The following KCNIP1 variants were observed in gnomAD, a reference collection of about 807,000 sequenced individuals.
KCNIP1 encodes potassium voltage-gated channel interacting protein 1.
In KCNIP1, 18 loss-of-function variants were observed where a neutral mutation model predicts 33.0. The ratio of observed to expected loss-of-function variants is 0.55; its 90% CI spans 0.38 to 0.81. The LOEUF is 0.81. Ranked by LOEUF, KCNIP1 falls within the 30% of genes least tolerant of loss-of-function variation. The pLI, the probability that KCNIP1 is intolerant of heterozygous loss-of-function variation, is 0.00. For synonymous variants in KCNIP1, 93 were observed against 98.3 expected (o/e 0.95, Z 0.32); for missense variants, 238 against 271.6 (o/e 0.88, Z 0.87).
intron 1 of KCNIP1, among the ~76,000 whole-genome samples, chr5:170,599,873 C>T (rs559744946): frequency 6.6e-6 from 1 of 152,362 alleles, no homozygotes; most frequent in East Asian, 1.9e-4. Context: ...ATATTCTACA[C>T]AGCACTTCCG....
At chr5:170,360,872 C>T (rs945705241) in intron 1 of KCNIP1, among the ~76,000 whole-genome samples, 5 of 152,204 alleles carry the variant, frequency 3.3e-5, no homozygotes, top group African/African-American at 9.6e-5. Context: ...CTTTCCCTGC[C>T]GAGCAACATC....
intron 1 of KCNIP1, among the ~76,000 whole-genome samples, chr5:170,661,513 G>C (rs1318807811): frequency 6.6e-6 from 1 of 152,078 alleles, no homozygotes. Context: ...GGGTGAACAG[G>C]AACAGAGAAG....
At chr5:170,576,381 A>G (rs1009061156) in intron 1 of KCNIP1, among the ~76,000 whole-genome samples, 1 of 152,236 alleles carries the variant, frequency 6.6e-6, no homozygotes, top group Non-Finnish European at 1.5e-5. Context: ...GAGGTCACAT[A>G]GTGTAACCTC....
At chr5:170,482,878 AG>A (rs1399592675) in intron 1 of KCNIP1, among the ~76,000 whole-genome samples, 5 of 152,218 alleles carry the variant, frequency 3.3e-5, no homozygotes, top group African/African-American at 1.2e-4. Context: ...GACAATTATC[AG>A]GAGAAGCATT....
chr5:170,614,979 G>C (rs1759310184), intron 1 of KCNIP1, among the ~76,000 whole-genome samples: 1 of 152,212 alleles, frequency 6.6e-6, no homozygotes, highest in Non-Finnish European at 1.5e-5. Context: ...ACTTTGGGAG[G>C]CCAAGGCGGG....
At chr5:170,651,735 A>G (rs200744784) in intron 1 of KCNIP1, among the ~76,000 whole-genome samples, 1 of 151,966 alleles carries the variant, frequency 6.6e-6, no homozygotes, top group Non-Finnish European at 1.5e-5. Flanking sequence ...AGGCGGGTGG[A>G]TTAATTATTC....
chr5:170,668,308 C>A (rs889258978), intron 1 of KCNIP1, among the ~76,000 whole-genome samples: 2 of 152,204 alleles, frequency 1.3e-5, no homozygotes, highest in Non-Finnish European at 2.9e-5. Context: ...GAATCATTTT[C>A]TTCAGCATCC....
chr5:170,501,515 A>C (rs567850447), upstream of KCNIP1, among the ~76,000 whole-genome samples: 8 of 152,354 alleles, frequency 5.3e-5, no homozygotes, highest in African/African-American at 1.9e-4. Flanking sequence ...AGAGGCAGCC[A>C]ATTGCAAACA....
intron 1 of KCNIP1, chr5:170,420,533 CA>C (rs201638118): frequency 0.053 from 6,283 of 118,694 alleles, 161 homozygotes; most frequent in East Asian, 0.087. Flanking sequence ...AACTCCAACT[CA>C]AAAAAAAAAA....
rs145355239 is a variant in KCNIP1 at position 170,736,102 on chromosome 5, A to C, written c.*296A>C. The C allele has an allele frequency of 2.0e-4, 81 of 397,140 alleles. No homozygotes were observed. The East Asian group carries it at 3.3e-3, about 16-fold the overall frequency. The allele number at this position is 397,140 out of a possible 1,614,324, so 24.6% of individuals were successfully genotyped here. On this transcript the variant is annotated 3_prime_UTR_variant, in exon 8 of 8. Coordinates refer to ENST00000328939, the MANE Select transcript of KCNIP1 (RefSeq NM_014592.4). ...TGCCCTATGGAAGGTCCCTCTGCTT[A>C]AGCTTAAACAGTAGTGCACAAAATA...
chr5:170,625,636 C>T (rs1314544597), intron 1 of KCNIP1, among the ~76,000 whole-genome samples: 1 of 152,170 alleles, frequency 6.6e-6, no homozygotes, highest in East Asian at 1.9e-4. Context: ...CCCACTTTCC[C>T]TCGGCTAGTC....
chr5:170,617,893 G>A (rs1759450485), intron 1 of KCNIP1, among the ~76,000 whole-genome samples: 1 of 152,186 alleles, frequency 6.6e-6, no homozygotes, highest in African/African-American at 2.4e-5. Flanking sequence ...CTTTTCCTTC[G>A]AGGTAGGTGA....
chr5:170,535,291 G>A (rs954486661), intron 1 of KCNIP1, among the ~76,000 whole-genome samples: 2 of 152,204 alleles, frequency 1.3e-5, no homozygotes, highest in Non-Finnish European at 2.9e-5. Flanking sequence ...CTTAATGACA[G>A]TGGAACCAAG....
intron 1 of KCNIP1, among the ~76,000 whole-genome samples, chr5:170,692,646 C>G (rs1178327911): frequency 6.6e-6 from 1 of 152,188 alleles, no homozygotes; most frequent in East Asian, 1.9e-4. Flanking sequence ...CTAATATCAC[C>G]TCCCAGGATT....
intron 6 of KCNIP1, among the ~76,000 whole-genome samples, chr5:170,733,316 C>A (rs887210406): frequency 1.3e-5 from 2 of 152,168 alleles, no homozygotes; most frequent in Admixed American, 1.3e-4. Flanking sequence ...ACAGGATGGG[C>A]AGCTAGTGCT....
At chr5:170,598,131 A>C (rs1484488834) in intron 1 of KCNIP1, among the ~76,000 whole-genome samples, 1 of 152,080 alleles carries the variant, frequency 6.6e-6, no homozygotes, top group Non-Finnish European at 1.5e-5. Context: ...TCCTAATCAG[A>C]CCGTGTATTT....
intron 1 of KCNIP1, among the ~76,000 whole-genome samples, chr5:170,634,842 AG>A (rs1184144322): frequency 6.6e-6 from 1 of 152,216 alleles, no homozygotes; most frequent in Non-Finnish European, 1.5e-5. Context: ...TAGCATTCCC[AG>A]GCATTGCTGT....
At chr5:170,428,386 C>T (rs1042527685) in intron 1 of KCNIP1, among the ~76,000 whole-genome samples, 3 of 151,878 alleles carry the variant, frequency 2.0e-5, no homozygotes, top group Admixed American at 6.6e-5. Flanking sequence ...ACACATTACT[C>T]ACCCATGCTT....
intron 1 of KCNIP1, among the ~76,000 whole-genome samples, chr5:170,445,302 T>TTGAATGAATGAA (rs58668795): frequency 3.9e-5 from 6 of 151,900 alleles, no homozygotes; most frequent in African/African-American, 1.2e-4. Context: ...TGCTCATTCG[T>TTGAATGAATGAA]TGAATGAATG....
Sources: allele counts gnomAD v4.1 joint callset (sites outside exome capture counted in the v4.1 genomes callset), GRCh38; gene constraint gnomAD v4.1.1; transcripts MANE v1.5; gene names NCBI Gene and HGNC (gene_info 2026-07-23, HGNC 2026-07-21).